ABCB11: variants seen among roughly 807,000 people sequenced by gnomAD.
The protein encoded by ABCB11 is bile salt export pump.
ABCB11 carries 95 observed loss-of-function variants against 148.0 expected under a neutral mutation model. That is an observed-to-expected ratio of 0.64 (90% CI 0.54 to 0.76). ABCB11 has a LOEUF of 0.76. ABCB11 is among the 30% of genes least tolerant of loss of function. The probability of loss-of-function intolerance (pLI) is 0.00; values close to 1 mark genes in which losing one functional copy is unlikely to be tolerated. For synonymous variants in ABCB11, 591 were observed against 555.4 expected (o/e 1.06, Z -0.90); for missense variants, 1,523 against 1,617.8 (o/e 0.94, Z 1.01).
At position 168,935,298 on chromosome 2, in the gene ABCB11, TA is replaced by T; in HGVS notation, c.2941del (p.Tyr981ThrfsTer26). On this transcript the variant is annotated frameshift_variant, in exon 23 of 28. Transcript: ENST00000650372. LOFTEE classifies it high-confidence loss of function. ...FKTAIQKANI[Y>X]GFCFAFAQCI... Reference sequence around the variant, plus strand: ...CTGGGCAAAGGCAAAGCAGAATCCGTAAATATTGGCTTTCTGAATGGCTGTC... The same window carrying T: ...CTGGGCAAAGGCAAAGCAGAATCCGTAATATTGGCTTTCTGAATGGCTGTC... The T allele has an allele frequency of 6.2e-7, 1 of 1,613,976 alleles. No individual in the cohort carries two copies. The highest frequency in any genetic ancestry group is 8.5e-7 in the Non-Finnish European group (1 of 1,179,874).
intron 12 of ABCB11, among the ~76,000 whole-genome samples, chr2:168,975,074 TATAA>T (rs1166902288): frequency 3.7e-5 from 5 of 135,954 alleles, no homozygotes; most frequent in African/African-American, 5.4e-5. Context: ...TAGATAAATA[TATAA>T]ATATTTTTAT....
rs180743218 is a variant in ABCB11, at chr2:169,010,196, C to T, written c.389+3076G>A. Among the ~76,000 whole-genome samples, 46 of 152,248 alleles carry T rather than the reference C, an allele frequency of 3.0e-4. No individual in the cohort carries two copies. The East Asian group carries it at 6.2e-3, about 20-fold the overall frequency. Reference sequence around the variant, plus strand: ...ATGTCTCTTCTACAATTAAGTTACACGAGACTTTGTGGCTTCCATTTGAGT... The same window carrying T: ...ATGTCTCTTCTACAATTAAGTTACATGAGACTTTGTGGCTTCCATTTGAGT... On this transcript the variant is annotated intron_variant, in intron 5 of 27. Coordinates refer to ENST00000650372, the MANE Select transcript of ABCB11 (RefSeq NM_003742.4).
Position 169,023,187 on chromosome 2 carries a change from C to T in ABCB11, c.-27-5035G>A, listed in dbSNP as rs13393726. On this transcript the variant is annotated intron_variant, in intron 1 of 27. Transcript: ENST00000650372. ...AGCAAGGCTAAACATGTTAATACCC[C>T]AGATCCCAGAATATCCTTCTCTGGT... 9.5e-3 allele frequency among the ~76,000 whole-genome samples: 1,442 copies of T among 152,232 alleles called. 24 individuals are homozygous for T. The highest frequency in any genetic ancestry group is 0.033 in the African/African-American group (1,380 of 41,522).
chr2:168,982,311 C>T lies in ABCB11; in HGVS notation c.1084-2332G>A, dbSNP rs192780207. 2.6e-3 allele frequency among the ~76,000 whole-genome samples: 395 copies of T among 152,258 alleles called. 2 individuals carry two copies. The highest frequency in any genetic ancestry group is 4.6e-3 in the South Asian group (22 of 4,820). ...TTTCTTGACTTCATGGCTTCAATTT[C>T]ATTTTTAAGTGGTAGTATAATGACA... On this transcript the variant is annotated intron_variant, in intron 10 of 27. Transcript: ENST00000650372.
intron 27 of ABCB11, among the ~76,000 whole-genome samples, chr2:168,924,303 G>A (rs947645492): frequency 2.6e-5 from 4 of 152,088 alleles, no homozygotes; most frequent in Non-Finnish European, 4.4e-5. Context: ...CTTTCTTTGT[G>A]TTGCATGTGG....
At chr2:168,953,639 C>T (rs777733850) in intron 19 of ABCB11, among the ~76,000 whole-genome samples, 2 of 151,098 alleles carry the variant, frequency 1.3e-5, no homozygotes, top group Admixed American at 6.6e-5. Context: ...TTTTTTTAAT[C>T]CATTCTTCCA....
At position 168,923,467 on chromosome 2, in the gene ABCB11, T is replaced by A. The variant is rs1001714565; in HGVS notation, c.*155A>T. On this transcript the variant is annotated 3_prime_UTR_variant, in exon 28 of 28. Coordinates refer to ENST00000650372, the MANE Select transcript of ABCB11 (RefSeq NM_003742.4). The stretch of plus-strand genomic sequence containing the variant: ...GAAGGCCATTAGAAATTAGCTTGGA[T>A]TCCGATGTAGGAAAATGACTGTAAA... The A allele has an allele frequency of 1.0e-5, 7 of 690,726 alleles. No individual in the cohort carries two copies. The South Asian group carries it at 1.2e-4, about 12-fold the overall frequency. The allele number at this position is 690,726 out of a possible 1,614,324, so 42.8% of individuals were successfully genotyped here.
intron 19 of ABCB11, among the ~76,000 whole-genome samples, chr2:168,950,381 A>C (rs866566959): frequency 6.6e-6 from 1 of 151,666 alleles, no homozygotes; most frequent in South Asian, 2.1e-4. Flanking sequence ...TAAAGGTTGT[A>C]CTAATTTACA....
intron 1 of ABCB11, among the ~76,000 whole-genome samples, chr2:169,025,102 T>C (rs1695657281): frequency 6.6e-6 from 1 of 152,204 alleles, no homozygotes. Context: ...TTATTGCATT[T>C]CCTAATTTTA....
At chr2:169,005,797 A>G (rs1188560425) in intron 5 of ABCB11, among the ~76,000 whole-genome samples, 1 of 152,226 alleles carries the variant, frequency 6.6e-6, no homozygotes, top group Non-Finnish European at 1.5e-5. Flanking sequence ...ATTTCAAAAC[A>G]TCATGCTGCA....
chr2:168,960,828 A>AT (rs1236389569), intron 18 of ABCB11, among the ~76,000 whole-genome samples: 1 of 151,740 alleles, frequency 6.6e-6, no homozygotes, highest in African/African-American at 2.4e-5. Context: ...GTAAAGAAAT[A>AT]TTTTTCTCTC....
chr2:169,016,760 T>C lies in ABCB11; in HGVS notation c.98+18A>G, dbSNP rs1573983030. On this transcript the variant is annotated intron_variant, in intron 3 of 27. Coordinates refer to ENST00000650372, the MANE Select transcript of ABCB11 (RefSeq NM_003742.4). ...TTATTCTAGAAAAGATGCTGCATTG[T>C]TGAAATCAGTCACTTACCTTGATTT... is the stretch of plus-strand genomic sequence containing the variant. 2 of 1,594,808 alleles carry C rather than the reference T, an allele frequency of 1.3e-6. No homozygotes were observed. The highest frequency in any genetic ancestry group is 1.7e-6 in the Non-Finnish European group (2 of 1,167,230).
intron 5 of ABCB11, among the ~76,000 whole-genome samples, chr2:169,012,400 G>A (rs939742644): frequency 6.6e-6 from 1 of 152,112 alleles, no homozygotes; most frequent in Admixed American, 6.6e-5. Flanking sequence ...AAAGAAAACA[G>A]TAGCATAGTG....
rs202227522 is a variant in ABCB11, at chr2:169,004,185, TGGATG to T, written c.390-7468_390-7464del. Among the ~76,000 whole-genome samples the T allele has an allele frequency of 9.5e-3, 1,452 of 152,302 alleles. 26 individuals are homozygous for T. The highest frequency in any genetic ancestry group is 0.031 in the African/African-American group (1,291 of 41,564). On this transcript the variant is annotated intron_variant, in intron 5 of 27. Transcript: ENST00000650372. The stretch of plus-strand genomic sequence containing the variant: ...AGGTGTTCTTTGATCTTCTCGTATT[TGGATG>T]TCTACATCCCTAGACAAAAGATCTT...
At chr2:169,022,203 T>C (rs13403581) in intron 1 of ABCB11, among the ~76,000 whole-genome samples, 4,746 of 151,964 alleles carry the variant, frequency 0.031, 237 homozygotes, top group African/African-American at 0.11. Flanking sequence ...GAATGAATTA[T>C]GTTCTAATCA....
At chr2:168,976,708 G>C in intron 11 of ABCB11, 21 bp from the exon 12 acceptor site, 1 of 1,486,674 alleles carries the variant, frequency 6.7e-7, no homozygotes, top group South Asian at 1.1e-5. Flanking sequence ...ATACAAAAGG[G>C]ACACAGTGTA....
rs1441397880 is a variant in ABCB11 at position 168,970,391 on chromosome 2, A to T, written c.1639-176T>A. ...ACGGGTTATTGTCTAATCAATATTT[A>T]TGTGTGAAATAAAGGAATTGATTTA... On this transcript the variant is annotated intron_variant, in intron 14 of 27. Coordinates refer to ENST00000650372, the MANE Select transcript of ABCB11 (RefSeq NM_003742.4). 2.7e-6 allele frequency: 4 copies of T among 1,482,880 alleles called. No individual in the cohort carries two copies. The South Asian group carries it at 4.9e-5, about 18-fold the overall frequency. 91.9% of individuals were successfully genotyped at this position (1,482,880 alleles called of 1,614,324 possible).
At position 168,971,938 on chromosome 2, in the gene ABCB11, A is replaced by G. The variant is rs754081927; in HGVS notation, c.1547T>C (p.Ile516Thr). The G allele has an allele frequency of 8.7e-6, 14 of 1,612,992 alleles. No homozygotes were observed. Among genetic ancestry groups the G allele is most frequent in the East Asian group, 2.2e-5 (1 of 44,818 alleles). The change falls in exon 14 of 28, where the codon ATT becomes ACT. Residue 516 changes from isoleucine to threonine, a missense_variant. Ile to Thr is a moderately conservative substitution (Grantham distance 89). Transcript: ENST00000650372. ...VLFSTTIAEN[I>T]RYGREDATME... ...TGTTGCATCTTCTCTGCCATAGCGA[A>G]TATTTTCTGCAATGGTGGTAGAGAA...
chr2:168,936,262 G>C lies in ABCB11; in HGVS notation c.2782C>G (p.Arg928Gly), dbSNP rs756529333. 1 of 1,613,788 alleles carries C rather than the reference G, an allele frequency of 6.2e-7. No individual in the cohort carries two copies. Among genetic ancestry groups the C allele is most frequent in the Non-Finnish European group, 8.5e-7 (1 of 1,179,806 alleles). Reference protein sequence around the residue: ...QTRMLTGFASRDKQALEMVGQ... With the variant: ...QTRMLTGFASGDKQALEMVGQ... ...ACCATCTCCAGGGCCTGCTTATCTCGAGAGGCAAATCCTGTCAACATCCTG... is the reference window on the plus strand; with the variant it reads ...ACCATCTCCAGGGCCTGCTTATCTCCAGAGGCAAATCCTGTCAACATCCTG... The change falls in exon 22 of 28, where the codon CGA becomes GGA. Residue 928 changes from arginine (R) to glycine (G), a missense_variant. Coordinates refer to ENST00000650372, the MANE Select transcript of ABCB11 (RefSeq NM_003742.4).
Sources: allele counts gnomAD v4.1 joint callset (sites outside exome capture counted in the v4.1 genomes callset), GRCh38; gene constraint gnomAD v4.1.1; transcripts MANE v1.5; gene names NCBI Gene and HGNC (gene_info 2026-07-23, HGNC 2026-07-21).